OCA2: variants seen among roughly 807,000 people sequenced by gnomAD.
The protein encoded by OCA2 is P protein.
A neutral mutation model predicts 100.2 loss-of-function variants in OCA2; 77 were observed. That is an observed-to-expected ratio of 0.77 (90% CI 0.64 to 0.93). The LOEUF is 0.93. Ranked by LOEUF, OCA2 falls within the 40% of genes least tolerant of loss-of-function variation. The pLI, the probability that OCA2 is intolerant of heterozygous loss-of-function variation, is 0.00. For missense variants in OCA2, 1,062 were observed against 1,089.1 expected, an observed-to-expected ratio of 0.98 and a Z score of 0.35; for synonymous variants, 432 against 439.2, an observed-to-expected ratio of 0.98 and a Z score of 0.21.
rs757789602 is a variant in OCA2 at position 28,018,430 on chromosome 15, G to A, written c.774C>T (p.Asp258=). Residue 258 remains aspartate, a synonymous_variant, in exon 7 of 24, where the codon GAC becomes GAT. Coordinates refer to ENST00000354638, the MANE Select transcript of OCA2 (RefSeq NM_000275.3). ...EHIVVELTQA[D]ALGSRWRRPQ... ...GCCGCCGCCACCTGGAGCCCAAAGC[G>A]TCAGCCTGGGTCAGCTCCACCACGA... is the stretch of plus-strand genomic sequence containing the variant. The A allele has an allele frequency of 3.2e-5, 51 of 1,613,980 alleles. No homozygotes were observed. The highest frequency in any genetic ancestry group is 2.5e-4 in the Admixed American group (15 of 60,010).
intron 2 of OCA2, among the ~76,000 whole-genome samples, chr15:28,036,880 T>C (rs2043059750): frequency 6.6e-6 from 1 of 152,160 alleles, no homozygotes; most frequent in African/African-American, 2.4e-5. Flanking sequence ...TCTTAGGCCC[T>C]GTGCCACATA....
intron 14 of OCA2, among the ~76,000 whole-genome samples, chr15:27,969,426 G>A (rs968599438): frequency 6.6e-6 from 1 of 152,312 alleles, no homozygotes; most frequent in Middle Eastern, 3.4e-3. Context: ...TTTGCACTAA[G>A]CTTATTAGGC....
intron 23 of OCA2, among the ~76,000 whole-genome samples, chr15:27,758,730 T>C (rs1036105128): frequency 6.6e-6 from 1 of 150,796 alleles, no homozygotes; most frequent in Non-Finnish European, 1.5e-5. Flanking sequence ...TAATGGAGAG[T>C]ATAAAGGAAA....
intron 1 of OCA2, 55 bp from the exon 2 acceptor site, chr15:28,081,950 T>C: frequency 7.0e-7 from 1 of 1,424,580 alleles, no homozygotes; most frequent in Non-Finnish European, 9.6e-7. Flanking sequence ...AGACTAACGT[T>C]TGCACCTTGG....
At chr15:27,926,362 A>T in intron 18 of OCA2, 108 bp from the exon 19 acceptor site, 1 of 1,176,186 alleles carries the variant, frequency 8.5e-7, no homozygotes, top group South Asian at 1.3e-5. Flanking sequence ...TTGTCATACT[A>T]CAAACCGCAT....
At chr15:27,904,392 A>G (rs2038087996) in intron 19 of OCA2, among the ~76,000 whole-genome samples, 1 of 152,188 alleles carries the variant, frequency 6.6e-6, no homozygotes, top group Non-Finnish European at 1.5e-5. Context: ...TGAGCTTTGG[A>G]GGACGGAAGA....
At chr15:28,003,963 G>A (rs554136846) in intron 9 of OCA2, among the ~76,000 whole-genome samples, 1 of 152,314 alleles carries the variant, frequency 6.6e-6, no homozygotes, top group South Asian at 2.1e-4. Context: ...GTCCCTTCCC[G>A]GCTCTGCTGG....
At chr15:27,895,774 A>G (rs1209017463) in intron 19 of OCA2, 8 of 365,022 alleles carry the variant, frequency 2.2e-5, no homozygotes, top group Non-Finnish European at 3.7e-5. Flanking sequence ...GAAGACGGCA[A>G]GAGGGTGAAA....
chr15:28,093,636 A>C (rs2044911315), intron 1 of OCA2, among the ~76,000 whole-genome samples: 1 of 152,170 alleles, frequency 6.6e-6, no homozygotes, highest in Admixed American at 6.5e-5. Flanking sequence ...TTTCATTCAC[A>C]CAAAACCCTA....
At chr15:28,053,612 T>A (rs368666265) in intron 2 of OCA2, among the ~76,000 whole-genome samples, 17 of 152,318 alleles carry the variant, frequency 1.1e-4, no homozygotes, top group South Asian at 8.3e-4. Flanking sequence ...CCTGGGCTCT[T>A]GCTGATGAGG....
chr15:27,956,405 T>C (rs1034495002), intron 16 of OCA2, among the ~76,000 whole-genome samples: 1 of 152,168 alleles, frequency 6.6e-6, no homozygotes, highest in Admixed American at 6.5e-5. Context: ...CATGGTAATC[T>C]GCTTCTCAGC....
intron 23 of OCA2, among the ~76,000 whole-genome samples, chr15:27,764,071 G>T (rs1178937432): frequency 6.6e-6 from 1 of 151,472 alleles, no homozygotes; most frequent in African/African-American, 2.4e-5. Flanking sequence ...GACAGAGGGA[G>T]AAATGGAAGG....
intron 23 of OCA2, among the ~76,000 whole-genome samples, chr15:27,757,808 G>A (rs896362444): frequency 1.3e-5 from 2 of 152,130 alleles, no homozygotes; most frequent in African/African-American, 2.4e-5. Flanking sequence ...TCCTCAAACC[G>A]GGACACCTGC....
intron 14 of OCA2, among the ~76,000 whole-genome samples, chr15:27,974,009 C>T (rs1026730263): frequency 1.3e-5 from 2 of 152,144 alleles, no homozygotes; most frequent in Admixed American, 6.5e-5. Flanking sequence ...TATAGCAGTG[C>T]TACTGATTTG....
At chr15:27,825,325 C>T (rs2034677030) in intron 23 of OCA2, among the ~76,000 whole-genome samples, 1 of 152,176 alleles carries the variant, frequency 6.6e-6, no homozygotes, top group African/African-American at 2.4e-5. Context: ...ACACAGTTTC[C>T]ATCCTGAAGG....
intron 23 of OCA2, among the ~76,000 whole-genome samples, chr15:27,777,747 C>T (rs1333028813): frequency 6.6e-6 from 1 of 152,206 alleles, no homozygotes; most frequent in African/African-American, 2.4e-5. Flanking sequence ...CCAGGGTCTC[C>T]CTTGCCTGGC....
intron 23 of OCA2, among the ~76,000 whole-genome samples, chr15:27,767,818 G>A (rs1566945550): frequency 1.3e-5 from 2 of 151,914 alleles, no homozygotes; most frequent in Admixed American, 1.3e-4. Context: ...GCAACCTACT[G>A]AGGTCCCCTT....
chr15:27,737,375 G>A, the OCA2 span, among the ~76,000 whole-genome samples: 1 of 152,198 alleles, frequency 6.6e-6, no homozygotes, highest in Non-Finnish European at 1.5e-5. Context: ...GGACAAAGTT[G>A]GAAGGCTTAC....
intron 14 of OCA2, among the ~76,000 whole-genome samples, chr15:27,977,087 CT>C (rs1485844046): frequency 4.6e-5 from 7 of 152,112 alleles, no homozygotes; most frequent in Non-Finnish European, 1.0e-4. Context: ...GTATTAATGT[CT>C]GTATGCTCTG....
Sources: allele counts gnomAD v4.1 joint callset (sites outside exome capture counted in the v4.1 genomes callset), GRCh38; gene constraint gnomAD v4.1.1; transcripts MANE v1.5; gene names NCBI Gene and HGNC (gene_info 2026-07-23, HGNC 2026-07-21).